DAW1: variants seen among roughly 807,000 people sequenced by gnomAD.
DAW1 encodes dynein assembly factor with WD repeat domains 1.
A neutral mutation model predicts 56.5 loss-of-function variants in DAW1; 47 were observed. The observed-to-expected ratio is 0.83, with a 90% confidence interval of 0.66 to 1.06. DAW1 has a LOEUF of 1.06. DAW1 is among the 50% of genes least tolerant of loss of function. The pLI is 0.00. For synonymous variants in DAW1, 190 were observed against 179.0 expected (o/e 1.06, Z -0.49); for missense variants, 505 against 499.3 (o/e 1.01, Z -0.11).
chr2:227,875,152 T>G (rs951880785), intron 1 of DAW1, among the ~76,000 whole-genome samples: 2 of 152,122 alleles, frequency 1.3e-5, no homozygotes, highest in African/African-American at 4.8e-5. Context: ...GCCAAACATT[T>G]TGGACTCTTC....
intron 1 of DAW1, among the ~76,000 whole-genome samples, chr2:227,882,825 T>C (rs1691041029): frequency 6.6e-6 from 1 of 152,214 alleles, no homozygotes; most frequent in South Asian, 2.1e-4. Context: ...CCTGCATTCA[T>C]TCTCTTCCTG....
chr2:227,871,771 G>A, intron 1 of DAW1, 42 bp downstream of exon 1: 1 of 1,612,036 alleles, frequency 6.2e-7, no homozygotes, highest in Non-Finnish European at 8.5e-7. Context: ...GTGGGACCCT[G>A]GGCTCCCAGA....
rs551980618 is a variant in DAW1, at chr2:227,911,197, T to C, written c.973+3945T>C. Among the ~76,000 whole-genome samples the C allele has an allele frequency of 5.1e-4, 56 of 109,478 alleles. 1 individual carries two copies. In the South Asian group the frequency reaches 0.015, roughly 28 times the overall value. The allele number at this position is 109,478 out of a possible 152,430, so 71.8% of individuals were successfully genotyped here. On this transcript the variant is annotated intron_variant, in intron 10 of 12. Coordinates refer to ENST00000309931, the MANE Select transcript of DAW1 (RefSeq NM_178821.3). ...ATAGTTATATATATATGTATACACA[T>C]ACATATATATGTGTATATATACATA...
Position 227,906,345 on chromosome 2 carries a change from AAAAT to A in DAW1, c.858+17_858+20del, listed in dbSNP as rs1255133749. ...TATGGACAAAACCTGCAAGGTGAGC[AAAAT>A]AAATAAATATCTTTGCTTTATATTG... is the stretch of plus-strand genomic sequence containing the variant. On this transcript the variant is annotated splice_region_variant and intron_variant, in intron 9 of 12. Transcript: ENST00000309931. 6.3e-7 allele frequency: 1 copy of A among 1,591,728 alleles called. No homozygotes were observed. Among genetic ancestry groups the A allele is most frequent in the South Asian group, 1.1e-5 (1 of 89,294 alleles).
intron 10 of DAW1, among the ~76,000 whole-genome samples, chr2:227,909,442 A>G (rs2106208858): frequency 6.7e-6 from 1 of 149,408 alleles, no homozygotes; most frequent in Admixed American, 6.7e-5. Flanking sequence ...AACCAATAGT[A>G]TATAAATACA....
chr2:227,889,739 GT>G (rs1460926880), intron 2 of DAW1, 116 bp from the exon 3 acceptor site: 2 of 869,532 alleles, frequency 2.3e-6, no homozygotes, highest in Non-Finnish European at 3.2e-6. Flanking sequence ...AGATAATGGT[GT>G]TTTTGACATT....
chr2:227,917,604 A>G (rs151312007), intron 10 of DAW1, among the ~76,000 whole-genome samples: 1 of 152,322 alleles, frequency 6.6e-6, no homozygotes, highest in African/African-American at 2.4e-5. Flanking sequence ...TAAAAAAATT[A>G]CAGTGTTGCA....
At chr2:227,885,875 A>C (rs1004483243) in intron 2 of DAW1, among the ~76,000 whole-genome samples, 3 of 152,024 alleles carry the variant, frequency 2.0e-5, no homozygotes, top group African/African-American at 7.2e-5. Flanking sequence ...AGAATCCTAC[A>C]TGACATTTAG....
At position 227,911,249 on chromosome 2, in the gene DAW1, TATATACACGTGTATATACAC is replaced by T. The variant is rs1281119424; in HGVS notation, c.973+4015_973+4034del. ...ATATGTGTATATATACATATATACA[TATATACACGTGTATATACAC>T]ATATACACGTGTATATATACATATA... On this transcript the variant is annotated intron_variant, in intron 10 of 12. Coordinates refer to ENST00000309931, the MANE Select transcript of DAW1 (RefSeq NM_178821.3). Among the ~76,000 whole-genome samples, 37 of 142,778 alleles carry T rather than the reference TATATACACGTGTATATACAC, an allele frequency of 2.6e-4. 1 individual carries two copies. The South Asian group carries it at 3.2e-3, about 12-fold the overall frequency. The allele number at this position is 142,778 out of a possible 152,430, so 93.7% of individuals were successfully genotyped here.
intron 7 of DAW1, among the ~76,000 whole-genome samples, chr2:227,903,652 C>G (rs1272845789): frequency 1.0e-5 from 1 of 97,390 alleles, no homozygotes; most frequent in Non-Finnish European, 2.3e-5. Context: ...CCCTTCCTCC[C>G]ACCCTCCCCT....
chr2:227,917,389 T>C lies in DAW1; in HGVS notation c.974-1391T>C, dbSNP rs368829494. ...CATTCTCCTGCCTCAGCCTCCCGAGTAGCTGGGGCTACAGGTGCTCACCAC... is the reference window on the plus strand; with the variant it reads ...CATTCTCCTGCCTCAGCCTCCCGAGCAGCTGGGGCTACAGGTGCTCACCAC... On this transcript the variant is annotated intron_variant, in intron 10 of 12. Transcript: ENST00000309931. Among the ~76,000 whole-genome samples, 273 of 151,968 alleles carry C rather than the reference T, an allele frequency of 1.8e-3. 1 individual carries two copies. The highest frequency in any genetic ancestry group is 5.5e-3 in the African/African-American group (228 of 41,420).
intron 4 of DAW1, among the ~76,000 whole-genome samples, chr2:227,893,533 G>A (rs62192083): frequency 0.1 from 15,270 of 151,804 alleles, 1,031 homozygotes; most frequent in East Asian, 0.25. Context: ...ATAGCCAGGC[G>A]TGGTGGTGGG....
intron 10 of DAW1, among the ~76,000 whole-genome samples, chr2:227,909,248 C>CTATG (rs1210304970): frequency 1.4e-5 from 2 of 140,930 alleles, no homozygotes; most frequent in Admixed American, 7.2e-5. Flanking sequence ...ATCTATCTAT[C>CTATG]TATCTATCTA....
chr2:227,916,707 T>A (rs1235769524), intron 10 of DAW1, among the ~76,000 whole-genome samples: 4 of 152,192 alleles, frequency 2.6e-5, no homozygotes, highest in Non-Finnish European at 5.9e-5. Context: ...GAAGTCTCCA[T>A]TATTTTCTTG....
intron 1 of DAW1, among the ~76,000 whole-genome samples, chr2:227,880,329 C>T (rs552995853): frequency 2.7e-5 from 4 of 150,504 alleles, no homozygotes; most frequent in African/African-American, 9.8e-5. Context: ...AATATTTTAA[C>T]AATGCTGTAA....
At chr2:227,881,518 T>C (rs781049207) in intron 1 of DAW1, among the ~76,000 whole-genome samples, 9 of 152,272 alleles carry the variant, frequency 5.9e-5, no homozygotes, top group Middle Eastern at 6.8e-3. Flanking sequence ...TAATACAAGG[T>C]GACCATGTAG....
chr2:227,890,399 T>C (rs548895049), intron 3 of DAW1, among the ~76,000 whole-genome samples: 1 of 152,214 alleles, frequency 6.6e-6, no homozygotes, highest in Non-Finnish European at 1.5e-5. Flanking sequence ...AAATTATTTA[T>C]TTGTATGACA....
At chr2:227,909,232 T>TCTATCTATC (rs370779273) in intron 10 of DAW1, among the ~76,000 whole-genome samples, 2 of 138,882 alleles carry the variant, frequency 1.4e-5, no homozygotes, top group African/African-American at 5.4e-5. Flanking sequence ...GGTGGTGATA[T>TCTATCTATC]TATCTATCTA....
chr2:227,922,626 C>T (rs1692138573), intron 12 of DAW1, among the ~76,000 whole-genome samples: 2 of 152,158 alleles, frequency 1.3e-5, no homozygotes, highest in Non-Finnish European at 1.5e-5. Context: ...TACATATTGG[C>T]CAATTAGGTG....
Sources: gnomAD v4.1 joint callset for allele counts (sites outside exome capture counted in the v4.1 genomes callset) on GRCh38, gnomAD v4.1.1 for gene constraint, MANE v1.5 for transcripts, NCBI Gene and HGNC (gene_info 2026-07-23, HGNC 2026-07-21) for gene names.